PPP1R12B: variants seen among roughly 807,000 people sequenced by gnomAD.
The protein encoded by PPP1R12B is myosin phosphatase target subunit 2.
Under a neutral mutation model 126.1 loss-of-function variants are expected in PPP1R12B, and 76 were observed. The observed-to-expected ratio is 0.60, with a 90% CI of 0.50 to 0.73. The LOEUF is 0.73. PPP1R12B is among the 30% of genes least tolerant of loss of function. PPP1R12B has a pLI of 0.00. For missense variants in PPP1R12B, 1,052 were observed against 1,205.1 expected (o/e 0.87, Z 1.88); for synonymous variants, 356 against 434.7 (o/e 0.82, Z 2.25).
chr1:202,583,206 A>G lies in PPP1R12B; in HGVS notation c.*2646A>G, dbSNP rs1354418927. The G allele has an allele frequency of 6.6e-6, 1 of 152,220 alleles. No homozygotes were observed. The highest frequency in any genetic ancestry group is 1.5e-5 in the Non-Finnish European group (1 of 68,046). 9.4% of individuals were successfully genotyped at this position (152,220 alleles called of 1,614,324 possible). A position where few individuals can be genotyped will look rare whatever the true frequency, so the allele number is the denominator to read the frequency against. ...GGAAGATGATACTTCTTTCTCAAGA[A>G]AAGAAAATTGGATTATTAGGAATAC... On this transcript the variant is annotated 3_prime_UTR_variant, in exon 24 of 24. Coordinates refer to ENST00000608999, the MANE Select transcript of PPP1R12B (RefSeq NM_002481.4).
intron 18 of PPP1R12B, among the ~76,000 whole-genome samples, chr1:202,555,230 TA>T (rs1186127526): frequency 8.3e-5 from 12 of 145,360 alleles, no homozygotes; most frequent in Admixed American, 7.3e-4. Flanking sequence ...TAATGTCATT[TA>T]AAAAGTAAAG....
intron 18 of PPP1R12B, among the ~76,000 whole-genome samples, chr1:202,507,586 C>G (rs1428535575): frequency 6.6e-6 from 1 of 152,102 alleles, no homozygotes; most frequent in African/African-American, 2.4e-5. Context: ...CAAAGTTTTT[C>G]TTTTTAAAAA....
chr1:202,560,675 G>C (rs1323632533), intron 19 of PPP1R12B, among the ~76,000 whole-genome samples: 1 of 152,148 alleles, frequency 6.6e-6, no homozygotes, highest in African/African-American at 2.4e-5. Context: ...ATCTCATTCA[G>C]TGACTTAAAA....
chr1:202,365,041 A>T (rs1347521029), intron 1 of PPP1R12B, among the ~76,000 whole-genome samples: 2 of 152,256 alleles, frequency 1.3e-5, no homozygotes, highest in Admixed American at 6.5e-5. Flanking sequence ...AAAAACAATT[A>T]GTACAAATAC....
chr1:202,488,457 T>C (rs1678432696), intron 13 of PPP1R12B, 76 bp from the exon 14 acceptor site: 3 of 1,142,508 alleles, frequency 2.6e-6, no homozygotes, highest in Non-Finnish European at 2.5e-6. Context: ...CTCTTCAATA[T>C]GTGGAAACAC....
chr1:202,364,362 T>G (rs1658753055), intron 1 of PPP1R12B, among the ~76,000 whole-genome samples: 1 of 152,066 alleles, frequency 6.6e-6, no homozygotes, highest in Non-Finnish European at 1.5e-5. Flanking sequence ...CCAAGATAAC[T>G]AATCTAAGGA....
chr1:202,386,239 A>G (rs528597049), intron 1 of PPP1R12B, among the ~76,000 whole-genome samples: 1 of 151,462 alleles, frequency 6.6e-6, no homozygotes, highest in African/African-American at 2.4e-5. Context: ...CTCAAGAGCT[A>G]TTTTTCTATA....
rs573311955 is a variant in PPP1R12B at position 202,477,426 on chromosome 1, T to C, written c.1851-11107T>C. ...AGCCATGGTACAAACCCAGGCAGTA[T>C]GATTTTTATGCCAGGGTACTTTATC... On this transcript the variant is annotated intron_variant, in intron 13 of 23. Coordinates refer to ENST00000608999, the MANE Select transcript of PPP1R12B (RefSeq NM_002481.4). Among the ~76,000 whole-genome samples the C allele has an allele frequency of 5.3e-5, 8 of 152,314 alleles. No homozygotes were observed. In the East Asian group the frequency reaches 1.5e-3, roughly 29 times the overall value.
chr1:202,353,890 A>C (rs981027105), intron 1 of PPP1R12B, among the ~76,000 whole-genome samples: 3 of 151,912 alleles, frequency 2.0e-5, no homozygotes, highest in African/African-American at 7.3e-5. Flanking sequence ...TCGGATTACA[A>C]GTAGGAGCCA....
chr1:202,370,860 A>G (rs1321625062), intron 1 of PPP1R12B, among the ~76,000 whole-genome samples: 1 of 152,044 alleles, frequency 6.6e-6, no homozygotes, highest in Non-Finnish European at 1.5e-5. Context: ...TCTTAGCTTT[A>G]TTAGCAACTT....
intron 1 of PPP1R12B, among the ~76,000 whole-genome samples, chr1:202,350,766 G>A (rs972703836): frequency 1.2e-4 from 18 of 151,732 alleles, no homozygotes; most frequent in Non-Finnish European, 5.9e-5. Context: ...GATTACAGGC[G>A]CCTGCCACCA....
At chr1:202,511,321 A>T (rs1296045866) in intron 18 of PPP1R12B, among the ~76,000 whole-genome samples, 1 of 151,480 alleles carries the variant, frequency 6.6e-6, no homozygotes, top group African/African-American at 2.4e-5. Flanking sequence ...GGTTCAAGCG[A>T]TTCTCCTGCC....
intron 2 of PPP1R12B, among the ~76,000 whole-genome samples, chr1:202,418,771 A>G (rs1367700483): frequency 6.6e-6 from 1 of 152,106 alleles, no homozygotes; most frequent in Non-Finnish European, 1.5e-5. Flanking sequence ...CTTTACTGTC[A>G]TCTATTTATT....
intron 7 of PPP1R12B, 139 bp downstream of exon 7, chr1:202,430,949 A>G: frequency 7.6e-7 from 1 of 1,307,576 alleles, no homozygotes; most frequent in Non-Finnish European, 1.0e-6. Flanking sequence ...AACTTGTGGG[A>G]AACTTTGTGG....
intron 1 of PPP1R12B, among the ~76,000 whole-genome samples, chr1:202,351,632 C>G (rs1656029362): frequency 6.6e-6 from 1 of 152,216 alleles, no homozygotes; most frequent in Admixed American, 6.5e-5. Context: ...AATGGATTCA[C>G]CTTCTGTGAA....
intron 1 of PPP1R12B, among the ~76,000 whole-genome samples, chr1:202,351,320 C>T (rs1387553223): frequency 6.6e-6 from 1 of 151,658 alleles, no homozygotes; most frequent in Non-Finnish European, 1.5e-5. Flanking sequence ...CTGCATGCAA[C>T]CTCCGTCTCC....
intron 18 of PPP1R12B, among the ~76,000 whole-genome samples, chr1:202,530,470 C>T (rs1401426952): frequency 6.6e-6 from 1 of 152,132 alleles, no homozygotes; most frequent in Non-Finnish European, 1.5e-5. Context: ...TTTTTGTAAG[C>T]CATTGCTAAA....
In PPP1R12B at chr1:202,427,829, A is replaced by G. The variant is rs192347222; in HGVS notation, c.846+645A>G. On this transcript the variant is annotated intron_variant, in intron 5 of 23. Transcript: ENST00000608999. Reference sequence around the variant, plus strand: ...CTGGCTAATTTTTTGTATTTTTTTTATTAGTAGAGATGGGGTTTCACTGTG... The same window carrying G: ...CTGGCTAATTTTTTGTATTTTTTTTGTTAGTAGAGATGGGGTTTCACTGTG... Among the ~76,000 whole-genome samples, 13 of 151,458 alleles carry G rather than the reference A, an allele frequency of 8.6e-5. No homozygotes were observed. The East Asian group carries it at 1.9e-3, about 23-fold the overall frequency.
intron 18 of PPP1R12B, among the ~76,000 whole-genome samples, chr1:202,548,662 T>A (rs1481170376): frequency 6.6e-6 from 1 of 151,704 alleles, no homozygotes; most frequent in Non-Finnish European, 1.5e-5. Flanking sequence ...ATAGGTGTGG[T>A]GGTGCATGCC....
Sources: gnomAD v4.1 joint callset for allele counts (sites outside exome capture counted in the v4.1 genomes callset) on GRCh38, gnomAD v4.1.1 for gene constraint, MANE v1.5 for transcripts, NCBI Gene and HGNC (gene_info 2026-07-23, HGNC 2026-07-21) for gene names.